Variants in GET1 observed in about 807,000 individuals in gnomAD.
GET1 encodes congenital heart disease 5 protein.
Under a neutral mutation model 22.6 loss-of-function variants are expected in GET1, and 20 were observed. The observed-to-expected ratio is 0.89, with a 90% CI of 0.62 to 1.29. The LOEUF (loss-of-function observed/expected upper bound fraction) is 1.29, where lower values mean the gene tolerates loss of function less well. Ranked by LOEUF, GET1 falls within the 50% of genes most tolerant of loss-of-function variation. The pLI is 0.00. For synonymous variants in GET1, 92 were observed against 83.8 expected, an observed-to-expected ratio of 1.10 and a Z score of -0.53; for missense variants, 209 against 219.9, an observed-to-expected ratio of 0.95 and a Z score of 0.31.
At chr21:39,384,773 G>T (rs1282664601) in intron 1 of GET1, among the ~76,000 whole-genome samples, 1 of 152,040 alleles carries the variant, frequency 6.6e-6, no homozygotes, top group Non-Finnish European at 1.5e-5. Flanking sequence ...TAGAGGCCGG[G>T]TCTTGCTCTG....
chr21:39,420,347 G>C (rs2042069458), intron 1 of GET1, among the ~76,000 whole-genome samples: 2 of 151,816 alleles, frequency 1.3e-5, no homozygotes, highest in Non-Finnish European at 2.9e-5. Flanking sequence ...CACGGCAAAA[G>C]CCCGTCTCTA....
Position 39,393,022 on chromosome 21 carries a change from G to A in GET1, c.337-144G>A. 1.6e-5 allele frequency: 10 copies of A among 622,502 alleles called. No individual in the cohort carries two copies. In the South Asian group the frequency reaches 2.0e-4, roughly 13 times the overall value. The allele number at this position is 622,502 out of a possible 1,614,324, so 38.6% of individuals were successfully genotyped here. On this transcript the variant is annotated intron_variant, in intron 3 of 4. Transcript: ENST00000649170. ...TAGTGGCTGTGCGTGCTCATCTGTTGTCTGTGGGGACTGGGTTCCTAGGCT... is the reference window on the plus strand; with the variant it reads ...TAGTGGCTGTGCGTGCTCATCTGTTATCTGTGGGGACTGGGTTCCTAGGCT...
At chr21:39,419,530 AAAAAAG>A (rs1377780446) in intron 1 of GET1, among the ~76,000 whole-genome samples, 6,089 of 150,044 alleles carry the variant, frequency 0.041, 423 homozygotes, top group African/African-American at 0.14. Flanking sequence ...GTTCAAAAAA[AAAAAAG>A]AAAAAAGAAA....
At position 39,423,103 on chromosome 21, in the gene GET1, T is replaced by G. The variant is rs763037874; in HGVS notation, c.*24-5129T>G. Reference sequence around the variant, plus strand: ...CAGTGCCTGCAAGATATCTTTAGTCTTCAGTAACTGGCTGTCAGTTTCTCT... The same window carrying G: ...CAGTGCCTGCAAGATATCTTTAGTCGTCAGTAACTGGCTGTCAGTTTCTCT... On this transcript the variant is annotated intron_variant, in intron 1 of 1. Coordinates refer to the GET1 transcript ENST00000478273. 5 of 1,613,812 alleles carry G rather than the reference T, an allele frequency of 3.1e-6. No homozygotes were observed. The African/African-American group carries it at 6.7e-5, about 22-fold the overall frequency.
chr21:39,394,000 C>T (rs971854271), intron 4 of GET1, among the ~76,000 whole-genome samples: 6 of 152,070 alleles, frequency 3.9e-5, no homozygotes, highest in Non-Finnish European at 7.4e-5. Flanking sequence ...AAAAGTAGTA[C>T]ATGTCACTAT....
intron 1 of GET1, among the ~76,000 whole-genome samples, chr21:39,418,069 G>T (rs994093186): frequency 6.6e-6 from 1 of 151,826 alleles, no homozygotes; most frequent in Admixed American, 6.6e-5. Context: ...CCCAGCGGGG[G>T]AGTTTCTTTT....
chr21:39,386,329 C>A (rs934468892), intron 1 of GET1: 15 of 152,232 alleles, frequency 9.9e-5, no homozygotes, highest in African/African-American at 3.4e-4. Context: ...GAATGGTCCC[C>A]AAGTATTAGT....
At chr21:39,402,446 G>C (rs1482319407), downstream of GET1, among the ~76,000 whole-genome samples, 1 of 152,184 alleles carries the variant, frequency 6.6e-6, no homozygotes, top group Non-Finnish European at 1.5e-5. Context: ...CTGAGCTGGA[G>C]ACCCCAGGGA....
chr21:39,406,657 G>A (rs748517263), downstream of GET1: 21 of 1,432,052 alleles, frequency 1.5e-5, no homozygotes, highest in Non-Finnish European at 1.9e-5. Flanking sequence ...AAAATGAATG[G>A]ATCTCTATTT....
chr21:39,428,202 A>G (rs960313011), intron 1 of GET1: 2 of 1,595,832 alleles, frequency 1.3e-6, no homozygotes, highest in African/African-American at 1.4e-5. Context: ...GAAACATTAT[A>G]CTTTTTCTTC....
chr21:39,392,987 C>T, intron 3 of GET1, 179 bp from the exon 4 acceptor site: 1 of 555,012 alleles, frequency 1.8e-6, no homozygotes, highest in Middle Eastern at 4.8e-4. Flanking sequence ...AAGGTTTCAC[C>T]AAGGGACATT....
In GET1 at chr21:39,423,070, A is replaced by G. The variant is rs747428400; in HGVS notation, c.*24-5162A>G. On this transcript the variant is annotated intron_variant, in intron 1 of 1. Transcript: ENST00000478273. Reference sequence around the variant, plus strand: ...TTCTGCAAGGTTTTTGTCTTCAGAAAGTTTCTGCAGTGCCTGCAAGATATC... The same window carrying G: ...TTCTGCAAGGTTTTTGTCTTCAGAAGGTTTCTGCAGTGCCTGCAAGATATC... 7.4e-6 allele frequency: 12 copies of G among 1,614,066 alleles called. No homozygotes were observed. Among genetic ancestry groups the G allele is most frequent in the Non-Finnish European group, 9.3e-6 (11 of 1,180,022 alleles).
At chr21:39,409,029 C>T (rs879415977), downstream of GET1, among the ~76,000 whole-genome samples, 5 of 152,084 alleles carry the variant, frequency 3.3e-5, no homozygotes, top group Non-Finnish European at 7.4e-5. This position sits in a 1 kb window ranked among gnomAD's most constrained non-coding sequence, Gnocchi z 4.2. Context: ...ATGTTGAAGC[C>T]GTAACCCCCA....
At chr21:39,411,166 A>G, downstream of GET1, 1 of 302,114 alleles carries the variant, frequency 3.3e-6, no homozygotes, top group Non-Finnish European at 6.5e-6. Flanking sequence ...AGAACAGACA[A>G]CCTAGGCTAT....
In GET1 at chr21:39,391,855, C is replaced by T; in HGVS notation, c.336+19C>T. ...ATTGCAGGTAAGTGTGCTAGAGCGT[C>T]AGCCGGGTCATTGGAGTTGGTGACC... On this transcript the variant is annotated intron_variant, in intron 3 of 4. Transcript: ENST00000649170. 6.2e-7 allele frequency: 1 copy of T among 1,613,910 alleles called. No homozygotes were observed. The highest frequency in any genetic ancestry group is 8.5e-7 in the Non-Finnish European group (1 of 1,179,852).
At chr21:39,423,491 C>G (rs2147740857) in intron 1 of GET1, 1 of 1,541,948 alleles carries the variant, frequency 6.5e-7, no homozygotes, top group Admixed American at 2.1e-5. Context: ...TCCTTCTGGC[C>G]TGTGTAAGCA....
At position 39,397,167 on chromosome 21, in the gene GET1, TGAA is replaced by T. The variant is rs2038709480; in HGVS notation, c.*229_*231del. Reference sequence around the variant, plus strand: ...CCAGTTTATGACACGTATGTACTAGTGAACACCGTCCTCGATCTGTACGAAATG... The same window carrying T: ...CCAGTTTATGACACGTATGTACTAGTCACCGTCCTCGATCTGTACGAAATG... On this transcript the variant is annotated 3_prime_UTR_variant, in exon 5 of 5. Transcript: ENST00000649170. 2 of 565,778 alleles carry T rather than the reference TGAA, an allele frequency of 3.5e-6. No individual in the cohort carries two copies. The highest frequency in any genetic ancestry group is 1.9e-5 in the African/African-American group (1 of 52,840). 35.0% of individuals were successfully genotyped at this position (565,778 alleles called of 1,614,324 possible).
chr21:39,396,312 G>A lies in GET1; in HGVS notation c.452-554G>A, dbSNP rs371197117. Among the ~76,000 whole-genome samples the A allele has an allele frequency of 2.9e-4, 44 of 151,958 alleles. No homozygotes were observed. The East Asian group carries it at 6.0e-3, about 21-fold the overall frequency. On this transcript the variant is annotated intron_variant, in intron 4 of 4. Transcript: ENST00000649170. Reference sequence around the variant, plus strand: ...TCCCAGCACTTTGGGAGGTCGGGGCGGGCAGATCATGAGTTCAGGAGATCG... The same window carrying A: ...TCCCAGCACTTTGGGAGGTCGGGGCAGGCAGATCATGAGTTCAGGAGATCG...
At position 39,380,405 on chromosome 21, in the gene GET1, C is replaced by G. The variant is rs758101236; in HGVS notation, c.21C>G (p.Asp7Glu). The change falls in exon 1 of 5, where the codon GAC becomes GAG. Residue 7 changes from aspartate (D) to glutamate (E), a missense_variant. Transcript: ENST00000649170. MSSAAADHWAWLLVLSF... is the reference protein window; with the variant it reads MSSAAAEHWAWLLVLSF... ...CCGGGATGAGCTCAGCCGCGGCCGA[C>G]CACTGGGCGTGGTTGCTGGTGCTCA... 24 of 1,610,696 alleles carry G rather than the reference C, an allele frequency of 1.5e-5. No individual in the cohort carries two copies. The highest frequency in any genetic ancestry group is 2.0e-5 in the Non-Finnish European group (23 of 1,178,464).
Sources: gnomAD v4.1 joint callset for allele counts (sites outside exome capture counted in the v4.1 genomes callset) on GRCh38, gnomAD v4.1.1 for gene constraint, Gnocchi (gnomAD v3.1) non-coding constraint, MANE v1.5 for transcripts, NCBI Gene and HGNC (gene_info 2026-07-23, HGNC 2026-07-21) for gene names.